Variants in MGAT4B observed in about 807,000 individuals in gnomAD.
The protein encoded by MGAT4B is N-acetylglucosaminyltransferase IVb.
MGAT4B carries 38 observed loss-of-function variants against 73.9 expected under a neutral mutation model. The ratio of observed to expected loss-of-function variants is 0.51; its 90% CI spans 0.40 to 0.67. The LOEUF is 0.67. Ranked by LOEUF, MGAT4B falls within the 30% of genes least tolerant of loss-of-function variation. MGAT4B has a pLI of 0.00. For synonymous variants in MGAT4B, 373 were observed against 313.5 expected (o/e 1.19, Z -2.01); for missense variants, 686 against 735.2 (o/e 0.93, Z 0.77).
Position 179,797,989 on chromosome 5 carries a change from C to T in MGAT4B, c.*56G>A. On this transcript the variant is annotated 3_prime_UTR_variant, in exon 15 of 15. Transcript: ENST00000292591. ...CCCTCCGGGGACGGCAGTGACGACA[C>T]CCCCAGAAATGTGGGCTTCAGGGCT... is the stretch of plus-strand genomic sequence containing the variant. The T allele has an allele frequency of 1.3e-6, 2 of 1,578,320 alleles. No homozygotes were observed. Among genetic ancestry groups the T allele is most frequent in the Non-Finnish European group, 1.7e-6 (2 of 1,160,974 alleles).
chr5:179,799,212 C>T lies in MGAT4B; in HGVS notation c.1140G>A (p.Gln380=). The change falls in exon 10 of 15, where the codon CAG becomes CAA. Residue 380 remains glutamine, a synonymous_variant. Transcript: ENST00000292591. ...GTGCAGTGCAGCCCACCTTCAGTTT[C>T]TGGATCTTGCCAGCCAGCGAGGAGT... ...GTHSSLAGKI[Q]KLKDKDFGKQ... is the part of the protein sequence containing the mutation. The T allele has an allele frequency of 6.2e-7, 1 of 1,614,010 alleles. No individual in the cohort carries two copies. Among genetic ancestry groups the T allele is most frequent in the Non-Finnish European group, 8.5e-7 (1 of 1,180,040 alleles).
In MGAT4B at chr5:179,802,671, C is replaced by T. The variant is rs1756995381; in HGVS notation, c.98-702G>A. On this transcript the variant is annotated intron_variant, in intron 1 of 14. Coordinates refer to ENST00000292591, the MANE Select transcript of MGAT4B (RefSeq NM_014275.5). Reference sequence around the variant, plus strand: ...GTCCGCATGCCACCCCAGGGGGCCCCTGTCAGAACCTCCAGCTGGGCCCAG... The same window carrying T: ...GTCCGCATGCCACCCCAGGGGGCCCTTGTCAGAACCTCCAGCTGGGCCCAG... The T allele has an allele frequency of 4.1e-6, 4 of 986,336 alleles. No individual in the cohort carries two copies. In the South Asian group the frequency reaches 1.9e-4, roughly 46 times the overall value. The allele number at this position is 986,336 out of a possible 1,614,324, so 61.1% of individuals were successfully genotyped here. A position where few individuals can be genotyped will look rare whatever the true frequency, so the allele number is the denominator to read the frequency against.
rs1757155990 is a variant in MGAT4B, at chr5:179,806,376, G to T, written c.97+111C>A. 1 of 499,402 alleles carries T rather than the reference G, an allele frequency of 2.0e-6. No individual in the cohort carries two copies. The highest frequency in any genetic ancestry group is 2.7e-6 in the Non-Finnish European group (1 of 370,198). The allele number at this position is 499,402 out of a possible 1,614,324, so 30.9% of individuals were successfully genotyped here. On this transcript the variant is annotated intron_variant, in intron 1 of 14. Transcript: ENST00000292591. This position sits in a 1 kb window ranked among gnomAD's most constrained non-coding sequence, Gnocchi z 4.6. Reference sequence around the variant, plus strand: ...GGCGTCCTCGCGCCGCCCGGGCGGGGAAGGGGCGCCTGCGTCGGCTTCCGG... The same window carrying T: ...GGCGTCCTCGCGCCGCCCGGGCGGGTAAGGGGCGCCTGCGTCGGCTTCCGG...
chr5:179,799,438 C>T, intron 9 of MGAT4B, 68 bp downstream of exon 9: 1 of 1,610,444 alleles, frequency 6.2e-7, no homozygotes, highest in Non-Finnish European at 8.5e-7. Flanking sequence ...AGGACAGGGA[C>T]ACAGTTTGGG....
At chr5:179,802,090 T>C (rs1756972799) in intron 1 of MGAT4B, 121 bp from the exon 2 acceptor site, 1 of 1,572,074 alleles carries the variant, frequency 6.4e-7, no homozygotes, top group Non-Finnish European at 8.7e-7. Context: ...ACATCTGTTC[T>C]TGTGCCTGCC....
At chr5:179,802,141 A>G in intron 1 of MGAT4B, 172 bp from the exon 2 acceptor site, 1 of 1,518,298 alleles carries the variant, frequency 6.6e-7, no homozygotes. Flanking sequence ...TTACACTGAC[A>G]CTAATGCTCA....
rs1448668352 is a variant in MGAT4B at position 179,800,943 on chromosome 5, T to C, written c.569A>G (p.Gln190Arg). 2.5e-6 allele frequency: 4 copies of C among 1,613,740 alleles called. No homozygotes were observed. Among genetic ancestry groups the C allele is most frequent in the Non-Finnish European group, 2.5e-6 (3 of 1,179,948 alleles). Reference protein sequence around the residue: ...IVVLIAETDSQYTSAVTENIK... With the variant: ...IVVLIAETDSRYTSAVTENIK... ...GTTCTCTGTCACTGCCGAAGTGTAC[T>C]GTGAGTCAGTCTGTGGGGAGACCAA... The change falls in exon 5 of 15, where the codon CAG becomes CGG. Residue 190 changes from glutamine (Q) to arginine (R), a missense_variant. Gln to Arg is a conservative substitution (Grantham distance 43). This residue lies in a region of MGAT4B where 449 missense variants were observed against 536.8 expected (regional missense o/e 0.84). Coordinates refer to ENST00000292591, the MANE Select transcript of MGAT4B (RefSeq NM_014275.5).
chr5:179,798,919 G>A lies in MGAT4B; in HGVS notation c.1343+9C>T, dbSNP rs1227827718. Reference sequence around the variant, plus strand: ...GCCCCCATCGCAGACCCATGGTGCTGGCACTGACCGCTCCAGTCTTAGAGG... The same window carrying A: ...GCCCCCATCGCAGACCCATGGTGCTAGCACTGACCGCTCCAGTCTTAGAGG... On this transcript the variant is annotated intron_variant, in intron 11 of 14. Transcript: ENST00000292591. The A allele has an allele frequency of 2.5e-6, 4 of 1,613,386 alleles. No individual in the cohort carries two copies. Among genetic ancestry groups the A allele is most frequent in the South Asian group, 1.1e-5 (1 of 91,086 alleles).
rs767951345 is a variant in MGAT4B at position 179,799,222 on chromosome 5, C to T, written c.1130G>A (p.Gly377Asp). Residue 377 changes from glycine to aspartate, a missense_variant, in exon 10 of 15, where the codon GGC becomes GAC. Transcript: ENST00000292591. ...QHVGTHSSLAGKIQKLKDKDF... is the reference protein window; with the variant it reads ...QHVGTHSSLADKIQKLKDKDF... ...GCCCACCTTCAGTTTCTGGATCTTG[C>T]CAGCCAGCGAGGAGTGAGTGCCCAC... 1 of 1,613,870 alleles carries T rather than the reference C, an allele frequency of 6.2e-7. No homozygotes were observed. Among genetic ancestry groups the T allele is most frequent in the Non-Finnish European group, 8.5e-7 (1 of 1,180,038 alleles).
intron 6 of MGAT4B, 52 bp from the exon 7 acceptor site, chr5:179,800,311 G>A (rs1318668061): frequency 9.4e-6 from 15 of 1,600,882 alleles, no homozygotes; most frequent in Non-Finnish European, 1.3e-5. Flanking sequence ...CCTCCATTGT[G>A]GCTCCGCAGA....
chr5:179,802,956 C>G, intron 1 of MGAT4B: 4 of 985,500 alleles, frequency 4.1e-6, no homozygotes, highest in Non-Finnish European at 4.8e-6. Flanking sequence ...ACTCAGGCAG[C>G]TCTTCCATTC....
At chr5:179,799,749 A>G (rs551432925) in intron 8 of MGAT4B, 113 bp from the exon 9 acceptor site, 3 of 1,508,732 alleles carry the variant, frequency 2.0e-6, no homozygotes, top group Non-Finnish European at 2.7e-6. Context: ...AGGTGTGGGC[A>G]TAACGGGGCA....
chr5:179,801,624 G>A lies in MGAT4B; in HGVS notation c.354C>T (p.His118=). 1.9e-6 allele frequency: 3 copies of A among 1,607,104 alleles called. No homozygotes were observed. The highest frequency in any genetic ancestry group is 2.5e-6 in the Non-Finnish European group (3 of 1,178,154). The change falls in exon 3 of 15, where the codon CAC becomes CAT. Residue 118 remains histidine (H), a synonymous_variant. Coordinates refer to ENST00000292591, the MANE Select transcript of MGAT4B (RefSeq NM_014275.5). This position sits in a 1 kb window ranked among gnomAD's most constrained non-coding sequence, Gnocchi z 4.8. Reference sequence around the variant, plus strand: ...TCTCCTTGGCCAGCAGGTGTGGCAGGTGATGGAAGACGGTGGGCAGGTGCA... The same window carrying A: ...TCTCCTTGGCCAGCAGGTGTGGCAGATGATGGAAGACGGTGGGCAGGTGCA... ...HVLHLPTVFH[H]LPHLLAKESS...
intron 1 of MGAT4B, chr5:179,802,263 G>A: frequency 4.9e-6 from 7 of 1,418,976 alleles, no homozygotes; most frequent in Non-Finnish European, 6.4e-6. Flanking sequence ...GACCTAGGTA[G>A]GTGGATCCTA....
In MGAT4B at chr5:179,800,055, A is replaced by G; in HGVS notation, c.809T>C (p.Ile270Thr). ...GCTCAGGTAGTTGGGCTTGGCCACG[A>G]TGTCATCCTCCAGCTGCGAGGTGAG... ...GIYYVQLEDD[I>T]VAKPNYLSTM... The change falls in exon 8 of 15, where the codon ATC (isoleucine) becomes ACC (threonine). Residue 270 changes from isoleucine to threonine, a missense_variant. Transcript: ENST00000292591. 6.2e-7 allele frequency: 1 copy of G among 1,613,976 alleles called. No homozygotes were observed. The highest frequency in any genetic ancestry group is 8.5e-7 in the Non-Finnish European group (1 of 1,179,972).
intron 14 of MGAT4B, 39 bp downstream of exon 14, chr5:179,798,126 G>T: frequency 1.9e-6 from 3 of 1,594,244 alleles, no homozygotes; most frequent in Non-Finnish European, 2.6e-6. Flanking sequence ...GGTCTCCCTG[G>T]CTGCTCCCCG....
rs41285561 is a variant in MGAT4B at position 179,798,978 on chromosome 5, G to A, written c.1293C>T (p.Ala431=). The A allele has an allele frequency of 8.1e-4, 1,309 of 1,613,766 alleles. 21 individuals carry two copies. In the South Asian group the frequency reaches 0.011, roughly 14 times the overall value. The change falls in exon 11 of 15, where the codon GCC becomes GCT. Residue 431 remains alanine, a synonymous_variant. Transcript: ENST00000292591. ...REDFFWAFTP[A]AGDFIRFRFF... ...AGCGGAAGCGGATGAAGTCCCCCGCGGCAGGGGTGAAGGCCCAGAAGAAGT... is the reference window on the plus strand; with the variant it reads ...AGCGGAAGCGGATGAAGTCCCCCGCAGCAGGGGTGAAGGCCCAGAAGAAGT...
intron 1 of MGAT4B, chr5:179,803,029 C>T (rs907640332): frequency 1.0e-6 from 1 of 985,474 alleles, no homozygotes; most frequent in Non-Finnish European, 1.2e-6. Context: ...CCACCAGCAG[C>T]CCTGTGCATG....
chr5:179,798,914 G>T lies in MGAT4B; in HGVS notation c.1343+14C>A. The T allele has an allele frequency of 6.2e-7, 1 of 1,613,336 alleles. No individual in the cohort carries two copies. The highest frequency in any genetic ancestry group is 1.1e-5 in the South Asian group (1 of 91,080). Reference sequence around the variant, plus strand: ...GCCCCGCCCCCATCGCAGACCCATGGTGCTGGCACTGACCGCTCCAGTCTT... The same window carrying T: ...GCCCCGCCCCCATCGCAGACCCATGTTGCTGGCACTGACCGCTCCAGTCTT... On this transcript the variant is annotated intron_variant, in intron 11 of 14. Coordinates refer to ENST00000292591, the MANE Select transcript of MGAT4B (RefSeq NM_014275.5).
Sources: gnomAD v4.1 joint callset for allele counts on GRCh38, gnomAD v4.1.1 for gene constraint, gnomAD v4.1.1 regional missense constraint, Gnocchi (gnomAD v3.1) non-coding constraint, MANE v1.5 for transcripts, NCBI Gene and HGNC (gene_info 2026-07-23, HGNC 2026-07-21) for gene names.